Variants in ARFGEF3 observed in about 807,000 individuals in gnomAD.
ARFGEF3 encodes the protein ARFGEF family member 3, also known as brefeldin A-inhibited guanine nucleotide-exchange protein 3.
ARFGEF3 carries 96 observed loss-of-function variants against 221.7 expected under a neutral mutation model. The ratio of observed to expected loss-of-function variants is 0.43; its 90% CI spans 0.37 to 0.51. ARFGEF3 has a LOEUF of 0.51. ARFGEF3 is among the 20% of genes least tolerant of loss of function. ARFGEF3 has a pLI of 0.00. For synonymous variants in ARFGEF3, 1,145 were observed against 1,126.8 expected (o/e 1.02, Z -0.32); for missense variants, 2,410 against 2,789.9 (o/e 0.86, Z 3.07).
intron 4 of ARFGEF3, among the ~76,000 whole-genome samples, chr6:138,219,515 C>T (rs1390288570): frequency 6.6e-6 from 1 of 152,162 alleles, no homozygotes; most frequent in Non-Finnish European, 1.5e-5. Context: ...GGTACCAGGA[C>T]TTAATCCAGG....
Position 138,289,978 on chromosome 6 carries a change from G to A in ARFGEF3, c.3047+10G>A, listed in dbSNP as rs200863450. 127 of 1,602,050 alleles carry A rather than the reference G, an allele frequency of 7.9e-5. No individual in the cohort carries two copies. Among genetic ancestry groups the A allele is most frequent in the Middle Eastern group, 1.8e-4 (1 of 5,524 alleles). ...GGCCACACGTGTTCAGGTGCATGAC[G>A]GGCTCCCACCCCCAGATGGCACTAA... On this transcript the variant is annotated intron_variant, in intron 18 of 33. Transcript: ENST00000251691.
chr6:138,256,370 A>C (rs531918271), intron 10 of ARFGEF3, among the ~76,000 whole-genome samples: 1 of 152,304 alleles, frequency 6.6e-6, no homozygotes, highest in African/African-American at 2.4e-5. Context: ...CCTTCTCTCA[A>C]AGAACCAAAC....
At chr6:138,287,434 A>G (rs1331836752) in intron 17 of ARFGEF3, among the ~76,000 whole-genome samples, 4 of 152,228 alleles carry the variant, frequency 2.6e-5, no homozygotes, top group Non-Finnish European at 4.4e-5. Context: ...CAGCAGGCCC[A>G]GGGGGACCCA....
intron 2 of ARFGEF3, among the ~76,000 whole-genome samples, chr6:138,187,947 G>A (rs1777219736): frequency 6.6e-6 from 1 of 151,312 alleles, no homozygotes; most frequent in African/African-American, 2.4e-5. Context: ...ATGAGTGTGT[G>A]TGGGGGGGTT....
intron 32 of ARFGEF3, among the ~76,000 whole-genome samples, chr6:138,332,457 A>G (rs781019781): frequency 3.9e-5 from 6 of 152,116 alleles, no homozygotes; most frequent in Non-Finnish European, 2.9e-5. Flanking sequence ...TATCAGGGGG[A>G]CAGACTTGTT....
intron 8 of ARFGEF3, among the ~76,000 whole-genome samples, chr6:138,246,095 GT>G (rs1159592696): frequency 6.6e-6 from 1 of 151,556 alleles, no homozygotes; most frequent in Non-Finnish European, 1.5e-5. Context: ...ACTTTTTTTT[GT>G]TTTGTTTTGC....
intron 4 of ARFGEF3, among the ~76,000 whole-genome samples, chr6:138,211,273 A>G (rs1777722532): frequency 6.6e-6 from 1 of 152,224 alleles, no homozygotes; most frequent in South Asian, 2.1e-4. Context: ...AGCGGATGGG[A>G]GTAGGAATGT....
intron 8 of ARFGEF3, among the ~76,000 whole-genome samples, chr6:138,250,008 G>A (rs1185043600): frequency 6.6e-6 from 1 of 152,136 alleles, no homozygotes; most frequent in Non-Finnish European, 1.5e-5. Flanking sequence ...TTTTACTTGT[G>A]TACCATTGCT....
intron 22 of ARFGEF3, among the ~76,000 whole-genome samples, chr6:138,305,463 T>C (rs1207344690): frequency 6.6e-6 from 1 of 151,718 alleles, no homozygotes; most frequent in Non-Finnish European, 1.5e-5. Flanking sequence ...TATATACATA[T>C]AGCTGGGTGT....
chr6:138,218,195 C>T (rs547254963), intron 4 of ARFGEF3: 2 of 1,613,882 alleles, frequency 1.2e-6, no homozygotes, highest in East Asian at 2.2e-5. Context: ...AATCAATGAA[C>T]TCTGTTGCCT....
At chr6:138,255,791 C>T in intron 10 of ARFGEF3, 22 bp downstream of exon 10, 1 of 1,489,528 alleles carries the variant, frequency 6.7e-7, no homozygotes. Context: ...CTGGAGATCG[C>T]CACCAGGTTT....
intron 2 of ARFGEF3, 141 bp from the exon 3 acceptor site, chr6:138,206,901 G>A: frequency 1.6e-6 from 1 of 639,952 alleles, no homozygotes; most frequent in Non-Finnish European, 2.8e-6. Flanking sequence ...TTTCTCTTAA[G>A]CCCATGTGCA....
At chr6:138,279,903 C>A in intron 13 of ARFGEF3, 96 bp from the exon 14 acceptor site, 1 of 1,249,350 alleles carries the variant, frequency 8.0e-7, no homozygotes, top group South Asian at 1.3e-5. Flanking sequence ...TGGTTTAGTT[C>A]AGGGCTCTGT....
At chr6:138,327,444 G>C (rs1419677441) in intron 31 of ARFGEF3, among the ~76,000 whole-genome samples, 1 of 152,016 alleles carries the variant, frequency 6.6e-6, no homozygotes, top group East Asian at 1.9e-4. Flanking sequence ...GTGAGACCCT[G>C]TTTCAAAAAA....
intron 31 of ARFGEF3, among the ~76,000 whole-genome samples, chr6:138,324,431 C>T (rs540844909): frequency 6.6e-6 from 1 of 152,342 alleles, no homozygotes; most frequent in Non-Finnish European, 1.5e-5. Flanking sequence ...TTATAGGTAA[C>T]TTGCTTGAGC....
chr6:138,304,583 G>A (rs528138875), intron 22 of ARFGEF3, among the ~76,000 whole-genome samples: 26 of 152,252 alleles, frequency 1.7e-4, no homozygotes, highest in African/African-American at 2.4e-4. Flanking sequence ...GGTATATCAC[G>A]TGAATTCAGA....
intron 7 of ARFGEF3, among the ~76,000 whole-genome samples, chr6:138,244,685 A>C (rs1335749458): frequency 6.6e-6 from 1 of 152,218 alleles, no homozygotes; most frequent in Non-Finnish European, 1.5e-5. Flanking sequence ...GCAGATACTC[A>C]ACAAATAAAG....
intron 10 of ARFGEF3, among the ~76,000 whole-genome samples, chr6:138,256,287 C>T (rs987866552): frequency 6.6e-6 from 1 of 152,100 alleles, no homozygotes; most frequent in African/African-American, 2.4e-5. Flanking sequence ...AATAGCCATC[C>T]CAGTGTGCTA....
rs143783789 is a variant in ARFGEF3 at position 138,201,440 on chromosome 6, G to A, written c.138-5602G>A. On this transcript the variant is annotated intron_variant, in intron 2 of 33. Transcript: ENST00000251691. ...AACTCAAATGCCCATCAGTCAATGA[G>A]TGGATAAAGAAACTGTGGTATATAC... 4.7e-3 allele frequency among the ~76,000 whole-genome samples: 711 copies of A among 152,284 alleles called. 5 individuals are homozygous for A. The highest frequency in any genetic ancestry group is 0.016 in the African/African-American group (656 of 41,566).
Sources: gnomAD v4.1 joint callset for allele counts (sites outside exome capture counted in the v4.1 genomes callset) on GRCh38, gnomAD v4.1.1 for gene constraint, MANE v1.5 for transcripts, NCBI Gene and HGNC (gene_info 2026-07-23, HGNC 2026-07-21) for gene names.